The following POLN variants were observed in gnomAD, a reference collection of about 807,000 sequenced individuals.
The protein encoded by POLN is DNA polymerase nu.
In POLN, 108 loss-of-function variants were observed where a neutral mutation model predicts 113.5. The observed-to-expected ratio is 0.95, with a 90% CI of 0.81 to 1.12. The LOEUF (loss-of-function observed/expected upper bound fraction) is 1.12. Ranked by LOEUF, POLN falls within the 50% of genes most tolerant of loss-of-function variation. POLN has a pLI of 0.00. For synonymous variants in POLN, 386 were observed against 391.5 expected (o/e 0.99, Z 0.17); for missense variants, 1,097 against 1,077.1 (o/e 1.02, Z -0.26).
chr4:2,088,644 A>AGTGATCC, intron 20 of POLN: 1 of 678,776 alleles, frequency 1.5e-6, no homozygotes, highest in Non-Finnish European at 2.1e-6. Flanking sequence ...CATAATATAA[A>AGTGATCC]GTGATCCTCT....
At chr4:2,124,441 TAAAAA>T (rs927796435) in intron 19 of POLN, among the ~76,000 whole-genome samples, 3 of 151,798 alleles carry the variant, frequency 2.0e-5, no homozygotes, top group Non-Finnish European at 4.4e-5. Context: ...CCGGCTAATT[TAAAAA>T]AAAATTTTTT....
chr4:2,235,928 T>G (rs1223593528), intron 2 of POLN, among the ~76,000 whole-genome samples: 1 of 152,178 alleles, frequency 6.6e-6, no homozygotes, highest in Admixed American at 6.5e-5. Context: ...CTGTGTTTGC[T>G]AAGATGAGTG....
chr4:2,208,355 T>G lies in POLN; in HGVS notation c.346A>C (p.Ser116Arg). ...TGATTATACTGTGGAATTAAACAAC[T>G]TGAAAGAGTCAATGAGCTGATGCTC... is the stretch of plus-strand genomic sequence containing the variant. ...QKSISSLTLS[S>R]CLIPQYNQEA... The change falls in exon 5 of 26, where the codon AGT (serine) becomes CGT (arginine). Residue 116 changes from serine (S) to arginine (R), a missense_variant. Ser to Arg is a moderately radical substitution (Grantham distance 110). Transcript: ENST00000511885. The G allele has an allele frequency of 6.2e-7, 1 of 1,613,570 alleles. No homozygotes were observed. The highest frequency in any genetic ancestry group is 1.3e-5 in the African/African-American group (1 of 75,042).
At chr4:2,161,424 C>T (rs62285174) in intron 13 of POLN, among the ~76,000 whole-genome samples, 1,630 of 152,370 alleles carry the variant, frequency 0.011, 19 homozygotes, top group African/African-American at 0.021. Flanking sequence ...CCAGCGGCTG[C>T]GGAGGGTGTA....
intron 18 of POLN, among the ~76,000 whole-genome samples, chr4:2,128,758 A>G (rs1168050785): frequency 6.6e-6 from 1 of 152,186 alleles, no homozygotes; most frequent in African/African-American, 2.4e-5. Context: ...TGTGCCTTAG[A>G]ATTTATTTGA....
intron 20 of POLN, among the ~76,000 whole-genome samples, chr4:2,092,297 C>G (rs968036294): frequency 6.6e-6 from 1 of 152,192 alleles, no homozygotes; most frequent in Non-Finnish European, 1.5e-5. Context: ...TGAGAAGACC[C>G]AAGGATTTGA....
At chr4:2,223,580 T>C (rs1379633242) in intron 3 of POLN, among the ~76,000 whole-genome samples, 3 of 152,154 alleles carry the variant, frequency 2.0e-5, no homozygotes, top group Admixed American at 2.0e-4. Context: ...GGGACTGCTG[T>C]CATATAGTGA....
At chr4:2,108,957 C>T (rs1731131434) in intron 19 of POLN, among the ~76,000 whole-genome samples, 1 of 151,842 alleles carries the variant, frequency 6.6e-6, no homozygotes, top group Non-Finnish European at 1.5e-5. Flanking sequence ...GGTGGTTCTG[C>T]TCATTCACAG....
intron 3 of POLN, among the ~76,000 whole-genome samples, chr4:2,219,490 C>A (rs1021233164): frequency 1.8e-4 from 28 of 152,144 alleles, no homozygotes; most frequent in Non-Finnish European, 3.2e-4. Flanking sequence ...CTGCTTCTGA[C>A]AGGCAGCACC....
intron 10 of POLN, 140 bp from the exon 11 acceptor site, chr4:2,174,159 CA>C (rs1392345152): frequency 2.5e-6 from 2 of 792,122 alleles, no homozygotes; most frequent in Admixed American, 3.8e-5. Flanking sequence ...CCAACCTCTG[CA>C]CAGGATCTGT....
chr4:2,172,820 C>A (rs1276789411), intron 11 of POLN, among the ~76,000 whole-genome samples: 1 of 152,174 alleles, frequency 6.6e-6, no homozygotes, highest in African/African-American at 2.4e-5. Context: ...TCACAGCCCA[C>A]AGAAACCTGT....
intron 19 of POLN, among the ~76,000 whole-genome samples, chr4:2,121,221 G>C (rs1731431516): frequency 6.6e-6 from 1 of 152,052 alleles, no homozygotes; most frequent in Non-Finnish European, 1.5e-5. Context: ...GATTGCTTGA[G>C]GTCAGGAGCT....
intron 19 of POLN, among the ~76,000 whole-genome samples, chr4:2,115,859 C>G (rs544891970): frequency 6.6e-6 from 1 of 152,320 alleles, no homozygotes; most frequent in South Asian, 2.1e-4. Flanking sequence ...ATTTTCCCTT[C>G]TGTGGGGTCC....
intron 3 of POLN, among the ~76,000 whole-genome samples, chr4:2,218,106 G>GT (rs1346120459): frequency 6.6e-6 from 1 of 152,014 alleles, no homozygotes; most frequent in Non-Finnish European, 1.5e-5. Flanking sequence ...GAGCAACACA[G>GT]TAAGACCCAG....
chr4:2,183,073 G>T (rs1016981121), intron 7 of POLN, among the ~76,000 whole-genome samples: 4 of 152,148 alleles, frequency 2.6e-5, no homozygotes, highest in Non-Finnish European at 4.4e-5. Context: ...ATATCATTAG[G>T]CATCAGTATA....
intron 3 of POLN, among the ~76,000 whole-genome samples, chr4:2,217,168 C>G (rs111840769): frequency 3.3e-4 from 50 of 152,346 alleles, no homozygotes; most frequent in African/African-American, 1.2e-3. Context: ...AAGCCACTAA[C>G]CGCTGCCCAA....
rs1733895890 is a variant in POLN, at chr4:2,208,041, G to A, written c.660C>T (p.Ala220=). The change falls in exon 5 of 26, where the codon GCC becomes GCT. Residue 220 remains alanine (A), a synonymous_variant. Transcript: ENST00000511885. ...CAGTATACATCACAGTTATCACCAGGGCTGCTGCCTGTTTGAGCATTTCAA... is the reference window on the plus strand; with the variant it reads ...CAGTATACATCACAGTTATCACCAGAGCTGCTGCCTGTTTGAGCATTTCAA... The part of the protein sequence containing the change: ...QLIEMLKQAA[A]LVITVMYTDG... 7 of 1,614,092 alleles carry A rather than the reference G, an allele frequency of 4.3e-6. No homozygotes were observed. In the South Asian group the frequency reaches 6.6e-5, roughly 15 times the overall value.
intron 20 of POLN, among the ~76,000 whole-genome samples, chr4:2,087,105 G>A (rs527857893): frequency 6.6e-6 from 1 of 152,148 alleles, no homozygotes; most frequent in African/African-American, 2.4e-5. Context: ...GAAGGTCTAG[G>A]GTGCCCTGTT....
chr4:2,238,890 C>CTGA, intron 2 of POLN: 1 of 1,613,116 alleles, frequency 6.2e-7, no homozygotes, highest in Non-Finnish European at 8.5e-7. Context: ...AGATCAAAAT[C>CTGA]TCCCTTTACC....
Sources: gnomAD v4.1 joint callset for allele counts (sites outside exome capture counted in the v4.1 genomes callset) on GRCh38, gnomAD v4.1.1 for gene constraint, MANE v1.5 for transcripts, NCBI Gene and HGNC (gene_info 2026-07-23, HGNC 2026-07-21) for gene names.